Variants in MDGA2 observed in about 807,000 individuals in gnomAD.
The protein encoded by MDGA2 is MAM domain containing glycosylphosphatidylinositol anchor 2.
In MDGA2, 40 loss-of-function variants were observed where a neutral mutation model predicts 117.8. That is an observed-to-expected ratio of 0.34 (90% CI 0.26 to 0.44). The LOEUF is 0.44. Among genes scored for constraint, MDGA2 ranks in the 20% least tolerant of loss-of-function variants. MDGA2 has a pLI of 1.00. For missense variants in MDGA2, 1,123 were observed against 1,250.6 expected (o/e 0.90, Z 1.54); for synonymous variants, 452 against 439.0 (o/e 1.03, Z -0.37).
intron 3 of MDGA2, among the ~76,000 whole-genome samples, chr14:47,198,527 G>A (rs1415352604): frequency 6.6e-6 from 1 of 152,140 alleles, no homozygotes; most frequent in African/African-American, 2.4e-5. Flanking sequence ...AGCGGGGATT[G>A]TGCCACTGCA....
intron 6 of MDGA2, among the ~76,000 whole-genome samples, chr14:47,088,637 C>A (rs556790494): frequency 6.6e-6 from 1 of 152,136 alleles, no homozygotes; most frequent in East Asian, 1.9e-4. Context: ...TGGGAAATTG[C>A]CAATTAATTC....
chr14:46,904,520 G>A (rs543240231), intron 10 of MDGA2, among the ~76,000 whole-genome samples: 4 of 152,128 alleles, frequency 2.6e-5, no homozygotes, highest in Non-Finnish European at 5.9e-5. Flanking sequence ...GCTATCCAGA[G>A]CTTTGATAAG....
At chr14:47,283,178 G>T (rs1339800283) in intron 2 of MDGA2, among the ~76,000 whole-genome samples, 1 of 152,114 alleles carries the variant, frequency 6.6e-6, no homozygotes, top group Non-Finnish European at 1.5e-5. Flanking sequence ...GTTAGGGAAA[G>T]AAATAGAAAG....
At chr14:46,906,878 G>T (rs943625130) in intron 10 of MDGA2, among the ~76,000 whole-genome samples, 3 of 151,400 alleles carry the variant, frequency 2.0e-5, no homozygotes, top group Non-Finnish European at 4.4e-5. Context: ...AAATTTAATG[G>T]CACATTAAAA....
At chr14:46,922,535 G>A (rs1884173206) in intron 9 of MDGA2, among the ~76,000 whole-genome samples, 2 of 152,078 alleles carry the variant, frequency 1.3e-5, no homozygotes, top group South Asian at 4.1e-4. Context: ...AGTTCCTCTT[G>A]AAAGGCCATA....
intron 1 of MDGA2, among the ~76,000 whole-genome samples, chr14:47,591,003 A>G (rs978384993): frequency 5.3e-5 from 8 of 152,186 alleles, no homozygotes; most frequent in Non-Finnish European, 7.4e-5. Context: ...AAAAAAGTCA[A>G]TTTAACCCAA....
chr14:47,232,086 A>G (rs935109528), intron 2 of MDGA2, among the ~76,000 whole-genome samples: 16 of 152,086 alleles, frequency 1.1e-4, no homozygotes, highest in Non-Finnish European at 2.4e-4. Context: ...TTCAGGGGCC[A>G]GAAAGCTAAA....
At chr14:47,377,963 A>G (rs1219372404) in intron 1 of MDGA2, among the ~76,000 whole-genome samples, 1 of 152,208 alleles carries the variant, frequency 6.6e-6, no homozygotes, top group Admixed American at 6.5e-5. Flanking sequence ...AACTCCCAGT[A>G]GGGGCCAACT....
At chr14:47,628,983 G>A (rs1187575314) in intron 1 of MDGA2, among the ~76,000 whole-genome samples, 1 of 152,202 alleles carries the variant, frequency 6.6e-6, no homozygotes, top group Non-Finnish European at 1.5e-5. Flanking sequence ...GGCTGTCACA[G>A]GCACTGTAGC....
intron 1 of MDGA2, among the ~76,000 whole-genome samples, chr14:47,359,293 G>A (rs1199223659): frequency 2.0e-5 from 3 of 152,132 alleles, no homozygotes; most frequent in African/African-American, 7.2e-5. Flanking sequence ...GGTGAAGGCT[G>A]CAGTGAACTG....
chr14:47,489,876 T>C (rs1894133933), intron 1 of MDGA2, among the ~76,000 whole-genome samples: 1 of 152,082 alleles, frequency 6.6e-6, no homozygotes, highest in African/African-American at 2.4e-5. Flanking sequence ...TCATCAGCAT[T>C]CCTTTGCATA....
At chr14:47,203,466 T>C (rs923784115) in intron 3 of MDGA2, among the ~76,000 whole-genome samples, 1 of 151,996 alleles carries the variant, frequency 6.6e-6, no homozygotes, top group African/African-American at 2.4e-5. Context: ...CTAGGATCAA[T>C]GATTCCATCA....
At chr14:47,592,272 C>T (rs944283072) in intron 1 of MDGA2, among the ~76,000 whole-genome samples, 1 of 152,078 alleles carries the variant, frequency 6.6e-6, no homozygotes, top group African/African-American at 2.4e-5. Context: ...ACATTCCATG[C>T]TCATGGATAG....
chr14:47,361,442 T>C (rs1019295564), intron 1 of MDGA2, among the ~76,000 whole-genome samples: 1 of 152,124 alleles, frequency 6.6e-6, no homozygotes, highest in Non-Finnish European at 1.5e-5. Flanking sequence ...GTCTGTGGTA[T>C]TTTGTCGTGG....
At chr14:47,657,469 C>T (rs139207335) in intron 1 of MDGA2, among the ~76,000 whole-genome samples, 14 of 152,286 alleles carry the variant, frequency 9.2e-5, no homozygotes, top group Admixed American at 2.0e-4. Flanking sequence ...GCTAATGCTG[C>T]TGCTAAATGT....
At chr14:46,945,472 A>G (rs1315545675) in intron 9 of MDGA2, among the ~76,000 whole-genome samples, 1 of 152,082 alleles carries the variant, frequency 6.6e-6, no homozygotes, top group Non-Finnish European at 1.5e-5. Context: ...TCTACTCACA[A>G]AAATCCCATA....
intron 2 of MDGA2, among the ~76,000 whole-genome samples, chr14:47,287,521 T>G (rs926119039): frequency 6.6e-6 from 1 of 152,162 alleles, no homozygotes; most frequent in Non-Finnish European, 1.5e-5. Flanking sequence ...ACTATATCCA[T>G]AGCTTCACAT....
At position 47,551,195 on chromosome 14, in the gene MDGA2, AT is replaced by A. The variant is rs775535975; in HGVS notation, c.280+123321del. ...GATAATATTGTTTTTGATTAAAAAAATATTTTGAAATGCATAGCTCTAAATT... is the reference window on the plus strand; with the variant it reads ...GATAATATTGTTTTTGATTAAAAAAAATTTTGAAATGCATAGCTCTAAATT... On this transcript the variant is annotated intron_variant, in intron 1 of 16. Transcript: ENST00000399232. Among the ~76,000 whole-genome samples the A allele has an allele frequency of 9.2e-5, 14 of 152,210 alleles. No individual in the cohort carries two copies. In the South Asian group the frequency reaches 1.5e-3, roughly 16 times the overall value.
At chr14:47,037,345 TAATA>T (rs1555345457) in intron 7 of MDGA2, among the ~76,000 whole-genome samples, 1 of 152,166 alleles carries the variant, frequency 6.6e-6, no homozygotes, top group Non-Finnish European at 1.5e-5. Flanking sequence ...GAATAACAGA[TAATA>T]AATACTTCAA....
Sources: gnomAD v4.1 joint callset for allele counts (sites outside exome capture counted in the v4.1 genomes callset) on GRCh38, gnomAD v4.1.1 for gene constraint, MANE v1.5 for transcripts, NCBI Gene and HGNC (gene_info 2026-07-23, HGNC 2026-07-21) for gene names.